The following TMEM161B variants were observed in gnomAD, a reference collection of about 807,000 sequenced individuals.
TMEM161B encodes the protein transmembrane protein 161B.
TMEM161B carries 34 observed loss-of-function variants against 61.8 expected under a neutral mutation model. The observed-to-expected ratio is 0.55, with a 90% confidence interval of 0.42 to 0.73. The LOEUF is 0.73. Ranked by LOEUF, TMEM161B falls within the 30% of genes least tolerant of loss-of-function variation. TMEM161B has a pLI of 0.00. For missense variants in TMEM161B, 456 were observed against 558.5 expected (o/e 0.82, Z 1.85); for synonymous variants, 167 against 192.8 (o/e 0.87, Z 1.11).
intron 2 of TMEM161B, among the ~76,000 whole-genome samples, chr5:88,235,700 T>C (rs1751740801): frequency 6.6e-6 from 1 of 152,190 alleles, no homozygotes; most frequent in South Asian, 2.1e-4. Context: ...CCATCCAGTC[T>C]ATGGTACTTT....
intron 5 of TMEM161B, among the ~76,000 whole-genome samples, chr5:88,213,290 T>C (rs1348667815): frequency 6.6e-6 from 1 of 152,110 alleles, no homozygotes; most frequent in Non-Finnish European, 1.5e-5. Context: ...AATAATCTGA[T>C]CCTATCTTCC....
intron 1 of TMEM161B, among the ~76,000 whole-genome samples, chr5:88,249,284 G>C (rs1460789134): frequency 6.6e-6 from 1 of 152,038 alleles, no homozygotes; most frequent in Non-Finnish European, 1.5e-5. Context: ...ATTGAATCCA[G>C]GCCATCATCA....
chr5:88,225,946 T>C (rs1184287016), intron 3 of TMEM161B, 80 bp from the exon 4 acceptor site: 1 of 886,868 alleles, frequency 1.1e-6, no homozygotes, highest in Non-Finnish European at 1.7e-6. Context: ...TAATTACAGA[T>C]GAAGTTTTAA....
At chr5:88,220,456 A>C (rs762649888) in intron 5 of TMEM161B, 107 bp downstream of exon 5, 20 of 939,054 alleles carry the variant, frequency 2.1e-5, no homozygotes, top group Middle Eastern at 3.7e-4. Context: ...AAAAGATTTC[A>C]ATAAAGAAAA....
intron 1 of TMEM161B, among the ~76,000 whole-genome samples, chr5:88,252,417 AAC>A (rs1293586861): frequency 1.3e-5 from 2 of 152,214 alleles, no homozygotes; most frequent in African/African-American, 2.4e-5. Context: ...TAATTCAAGT[AAC>A]ACATAATGAA....
At chr5:88,191,683 C>T (rs566261594), downstream of TMEM161B, among the ~76,000 whole-genome samples, 8 of 152,006 alleles carry the variant, frequency 5.3e-5, no homozygotes, top group East Asian at 5.8e-4. Flanking sequence ...GCCGGCCAGG[C>T]GCGGTGGCCC....
downstream of TMEM161B, among the ~76,000 whole-genome samples, chr5:88,190,536 G>T (rs186779815): frequency 9.3e-4 from 141 of 152,280 alleles, 2 homozygotes; most frequent in African/African-American, 3.2e-3. Flanking sequence ...GTGCTTGAGG[G>T]AGCAGAGGGG....
At chr5:88,214,440 A>G (rs886335742) in intron 5 of TMEM161B, among the ~76,000 whole-genome samples, 1 of 152,146 alleles carries the variant, frequency 6.6e-6, no homozygotes, top group African/African-American at 2.4e-5. Flanking sequence ...TATTTCTAAG[A>G]AAGATTCTTG....
At chr5:88,208,545 G>A (rs1746031088) in intron 5 of TMEM161B, among the ~76,000 whole-genome samples, 1 of 152,208 alleles carries the variant, frequency 6.6e-6, no homozygotes, top group East Asian at 1.9e-4. Flanking sequence ...GGGAGGCTGA[G>A]GCAGGAGAAT....
At chr5:88,231,421 C>A (rs916699143) in intron 2 of TMEM161B, among the ~76,000 whole-genome samples, 2 of 152,106 alleles carry the variant, frequency 1.3e-5, no homozygotes, top group Admixed American at 6.6e-5. Flanking sequence ...AATACAAGTG[C>A]AGTATACTCA....
At chr5:88,233,389 A>G (rs1469033113) in intron 2 of TMEM161B, among the ~76,000 whole-genome samples, 2 of 152,178 alleles carry the variant, frequency 1.3e-5, no homozygotes, top group African/African-American at 4.8e-5. Flanking sequence ...AGAACACCAA[A>G]TCCAAAAGCA....
chr5:88,199,353 C>A (rs1440446064), intron 9 of TMEM161B: 3 of 423,078 alleles, frequency 7.1e-6, no homozygotes, highest in Non-Finnish European at 1.2e-5. Flanking sequence ...ATCATGAAAG[C>A]GTAAGAAGTT....
intron 4 of TMEM161B, among the ~76,000 whole-genome samples, chr5:88,222,173 A>C (rs1401551290): frequency 6.6e-6 from 1 of 152,174 alleles, no homozygotes; most frequent in Non-Finnish European, 1.5e-5. Context: ...GGCTCAAACA[A>C]TCTTCCCACC....
intron 9 of TMEM161B, chr5:88,201,562 TTTCC>T (rs1209439782): frequency 6.6e-6 from 1 of 152,098 alleles, no homozygotes; most frequent in Admixed American, 6.6e-5. Flanking sequence ...TAAATGCTAG[TTTCC>T]TTATTTTCTC....
intron 1 of TMEM161B, among the ~76,000 whole-genome samples, chr5:88,256,773 A>T (rs189534733): frequency 6.6e-6 from 1 of 152,340 alleles, no homozygotes; most frequent in East Asian, 1.9e-4. Flanking sequence ...TGATAAAATA[A>T]ATGGATAAAG....
chr5:88,218,839 T>C (rs984017553), intron 5 of TMEM161B, among the ~76,000 whole-genome samples: 1 of 152,234 alleles, frequency 6.6e-6, no homozygotes, highest in Non-Finnish European at 1.5e-5. Flanking sequence ...TTAAAATATT[T>C]TCAAAAGCGC....
intron 2 of TMEM161B, among the ~76,000 whole-genome samples, chr5:88,240,198 C>A (rs1446901947): frequency 6.6e-6 from 1 of 151,790 alleles, no homozygotes. Context: ...CACAACATAA[C>A]TTTATCCCCC....
At chr5:88,205,682 A>T in intron 8 of TMEM161B, 132 bp downstream of exon 8, 1 of 993,994 alleles carries the variant, frequency 1.0e-6, no homozygotes, top group Non-Finnish European at 1.4e-6. Context: ...TAGTTGAAAG[A>T]GGAAGTAGTG....
intron 5 of TMEM161B, among the ~76,000 whole-genome samples, chr5:88,209,948 A>G (rs112250166): frequency 5.3e-5 from 8 of 152,340 alleles, no homozygotes; most frequent in African/African-American, 1.7e-4. Context: ...AGCTGAGGCC[A>G]TTCTTTTCCT....
Sources: allele counts gnomAD v4.1 joint callset (sites outside exome capture counted in the v4.1 genomes callset), GRCh38; gene constraint gnomAD v4.1.1; transcripts MANE v1.5; gene names NCBI Gene and HGNC (gene_info 2026-07-23, HGNC 2026-07-21).